The following MFSD11 variants were observed in gnomAD, a reference collection of about 807,000 sequenced individuals.
MFSD11 encodes the protein UNC93-like protein MFSD11.
A neutral mutation model predicts 53.5 loss-of-function variants in MFSD11; 36 were observed. That is an observed-to-expected ratio of 0.67 (90% CI 0.52 to 0.89). MFSD11 has a LOEUF of 0.89. MFSD11 is among the 40% of genes least tolerant of loss of function. The pLI, the probability that MFSD11 is intolerant of heterozygous loss-of-function variation, is 0.00. For missense variants in MFSD11, 530 were observed against 543.9 expected (o/e 0.97, Z 0.25); for synonymous variants, 186 against 184.9 (o/e 1.01, Z -0.05).
intron 8 of MFSD11, among the ~76,000 whole-genome samples, chr17:76,759,476 A>G (rs2079982105): frequency 6.6e-6 from 1 of 151,464 alleles, no homozygotes; most frequent in East Asian, 2.0e-4. Flanking sequence ...TTTTTTTGAG[A>G]TGGAGTCTGG....
intron 10 of MFSD11, among the ~76,000 whole-genome samples, chr17:76,772,514 CTTT>C (rs1253072933): frequency 9.0e-5 from 12 of 132,914 alleles, no homozygotes; most frequent in African/African-American, 1.7e-4. Flanking sequence ...ACCTTAGTAA[CTTT>C]TTTTTTTTTT....
chr17:76,778,118 G>A (rs1010438531), intron 12 of MFSD11, 70 bp from the exon 13 acceptor site: 5 of 1,531,702 alleles, frequency 3.3e-6, no homozygotes, highest in Non-Finnish European at 4.5e-6. Context: ...ATAGGAGTGG[G>A]GCTAGGGGCT....
chr17:76,776,417 C>T lies in MFSD11; in HGVS notation c.1061C>T (p.Ala354Val). 6.2e-7 allele frequency: 1 copy of T among 1,613,544 alleles called. No homozygotes were observed. Among genetic ancestry groups the T allele is most frequent in the Non-Finnish European group, 8.5e-7 (1 of 1,179,832 alleles). The change falls in exon 12 of 13, where the codon GCC (alanine) becomes GTC (valine). Residue 354 changes from alanine (A) to valine (V), a missense_variant. Physicochemically the swap from Ala to Val is moderately conservative, Grantham distance 64. Coordinates refer to ENST00000685175, the MANE Select transcript of MFSD11 (RefSeq NM_001242532.5). This position sits in a 1 kb window ranked among gnomAD's most constrained non-coding sequence, Gnocchi z 4.2. ...SAYIKSSKEVAILCSFLLGLG... is the reference protein window; with the variant it reads ...SAYIKSSKEVVILCSFLLGLG... ...TTTATTTTCTTCAGCAAAGAAGTTG[C>T]CATTCTCTGCAGTTTTCTGTTGGGC...
rs1036108510 is a variant in MFSD11 at position 76,756,241 on chromosome 17, G to C, written c.682+2154G>C. ...GGATTCAAGTGATTCTCCTGCCTCAGCCTACTGAGTAACTGGGACTACAGG... is the reference window on the plus strand; with the variant it reads ...GGATTCAAGTGATTCTCCTGCCTCACCCTACTGAGTAACTGGGACTACAGG... On this transcript the variant is annotated intron_variant, in intron 8 of 12. Coordinates refer to ENST00000685175, the MANE Select transcript of MFSD11 (RefSeq NM_001242532.5). Among the ~76,000 whole-genome samples, 7 of 151,130 alleles carry C rather than the reference G, an allele frequency of 4.6e-5. No individual in the cohort carries two copies. In the East Asian group the frequency reaches 1.4e-3, roughly 30 times the overall value.
At position 76,776,664 on chromosome 17, in the gene MFSD11, A is replaced by G. The variant is rs575561285; in HGVS notation, c.1185+123A>G. The G allele has an allele frequency of 2.1e-6, 2 of 973,644 alleles. No homozygotes were observed. The highest frequency in any genetic ancestry group is 6.4e-5 in the Admixed American group (2 of 31,420). 60.3% of individuals were successfully genotyped at this position (973,644 alleles called of 1,614,324 possible). A position where few individuals can be genotyped will look rare whatever the true frequency, so the allele number is the denominator to read the frequency against. Reference sequence around the variant, plus strand: ...ATTTATTTATTTTTATTTTTTTGATAGAGTCTCTCTCTGTCACTCAGGCTG... The same window carrying G: ...ATTTATTTATTTTTATTTTTTTGATGGAGTCTCTCTCTGTCACTCAGGCTG... On this transcript the variant is annotated intron_variant, in intron 12 of 12. Coordinates refer to ENST00000685175, the MANE Select transcript of MFSD11 (RefSeq NM_001242532.5). The surrounding 1 kb of genome is among the most constrained non-coding windows in gnomAD (Gnocchi z 4.2).
chr17:76,802,093 A>G, the MFSD11 span, among the ~76,000 whole-genome samples: 1 of 151,954 alleles, frequency 6.6e-6, no homozygotes, highest in Non-Finnish European at 1.5e-5. Context: ...ACTTGGTGAA[A>G]GCCCATCTCT....
chr17:76,802,124 A>T, the MFSD11 span, among the ~76,000 whole-genome samples: 1 of 151,980 alleles, frequency 6.6e-6, no homozygotes, highest in Non-Finnish European at 1.5e-5. Context: ...AAAAAAAATT[A>T]GCCAGGTGTG....
chr17:76,738,836 A>G, intron 1 of MFSD11, 102 bp from the exon 2 acceptor site: 2 of 885,512 alleles, frequency 2.3e-6, no homozygotes, highest in Non-Finnish European at 3.7e-6. Context: ...TACATTATGA[A>G]CTTTTACTTT....
chr17:76,760,773 T>G (rs1270281264), intron 8 of MFSD11, among the ~76,000 whole-genome samples: 1 of 152,094 alleles, frequency 6.6e-6, no homozygotes, highest in African/African-American at 2.4e-5. Flanking sequence ...TCAGGTGATC[T>G]GTTCACCTTC....
the MFSD11 span, among the ~76,000 whole-genome samples, chr17:76,797,951 A>C: frequency 6.6e-6 from 1 of 151,734 alleles, no homozygotes. Context: ...TGGTGCTATC[A>C]TAGTTCACTG....
chr17:76,749,107 G>A (rs963065358), intron 7 of MFSD11, among the ~76,000 whole-genome samples: 1 of 152,270 alleles, frequency 6.6e-6, no homozygotes, highest in East Asian at 1.9e-4. Context: ...CCCATCTAAA[G>A]TATACACTTC....
At chr17:76,763,754 T>C (rs1484695368) in intron 8 of MFSD11, among the ~76,000 whole-genome samples, 1 of 152,158 alleles carries the variant, frequency 6.6e-6, no homozygotes, top group Non-Finnish European at 1.5e-5. Context: ...CTTTTCATTT[T>C]CTTGATAGTA....
downstream of MFSD11, among the ~76,000 whole-genome samples, chr17:76,780,519 T>G (rs1317953832): frequency 2.1e-5 from 3 of 144,900 alleles, no homozygotes; most frequent in Non-Finnish European, 3.0e-5. Flanking sequence ...GTGTATGTGT[T>G]TTTTTTTTTT....
chr17:76,767,653 TC>T (rs1194797013), intron 9 of MFSD11, among the ~76,000 whole-genome samples: 2 of 152,194 alleles, frequency 1.3e-5, no homozygotes, highest in Non-Finnish European at 2.9e-5. Flanking sequence ...GCTGAATATC[TC>T]TCTTTTTGTG....
In MFSD11 at chr17:76,776,377, C is replaced by A; in HGVS notation, c.1050-29C>A. The A allele has an allele frequency of 3.7e-6, 6 of 1,609,790 alleles. No homozygotes were observed. The highest frequency in any genetic ancestry group is 5.1e-6 in the Non-Finnish European group (6 of 1,178,592). On this transcript the variant is annotated intron_variant, in intron 11 of 12. Coordinates refer to ENST00000685175, the MANE Select transcript of MFSD11 (RefSeq NM_001242532.5). This position sits in a 1 kb window ranked among gnomAD's most constrained non-coding sequence, Gnocchi z 4.2. ...TTAAATGGCTCTAGCAGATATTGCT[C>A]ATACTAAATTGATTTTTATTTTCTT...
chr17:76,786,074 C>CA (rs35306490), downstream of MFSD11, among the ~76,000 whole-genome samples: 22,257 of 75,274 alleles, frequency 0.3, 2,758 homozygotes, highest in East Asian at 0.42. Flanking sequence ...GACTCCATCT[C>CA]AAAAAAAAAA....
intron 8 of MFSD11, among the ~76,000 whole-genome samples, chr17:76,762,090 C>G (rs931621951): frequency 6.6e-6 from 1 of 152,122 alleles, no homozygotes; most frequent in Admixed American, 6.6e-5. Flanking sequence ...ATTCCAGCCT[C>G]CTAATGCAAC....
At chr17:76,736,874 G>A (rs1462503794), upstream of MFSD11, 2 of 1,610,688 alleles carry the variant, frequency 1.2e-6, no homozygotes, top group African/African-American at 1.3e-5. Flanking sequence ...GTGTGAGTCC[G>A]GGGGGCGGCC....
chr17:76,741,193 C>G, intron 3 of MFSD11, 129 bp downstream of exon 3: 2 of 654,816 alleles, frequency 3.1e-6, no homozygotes, highest in Non-Finnish European at 5.4e-6. Context: ...CGAATTTTGG[C>G]TCAGTACTTG....
Sources: allele counts gnomAD v4.1 joint callset (sites outside exome capture counted in the v4.1 genomes callset), GRCh38; gene constraint gnomAD v4.1.1; non-coding constraint Gnocchi (gnomAD v3.1); transcripts MANE v1.5; gene names NCBI Gene and HGNC (gene_info 2026-07-23, HGNC 2026-07-21).